Variants in BAZ1A observed in about 807,000 individuals in gnomAD.
The protein encoded by BAZ1A is bromodomain adjacent to zinc finger domain protein 1A.
In BAZ1A, 50 loss-of-function variants were observed where a neutral mutation model predicts 185.2. The observed-to-expected ratio is 0.27, with a 90% CI of 0.22 to 0.34. The LOEUF (loss-of-function observed/expected upper bound fraction) is 0.34. BAZ1A is among the 10% of genes least tolerant of loss of function. BAZ1A has a pLI of 1.00. For synonymous variants in BAZ1A, 571 were observed against 615.6 expected, an observed-to-expected ratio of 0.93 and a Z score of 1.07; for missense variants, 1,356 against 1,839.9, an observed-to-expected ratio of 0.74 and a Z score of 4.81.
Position 34,786,603 on chromosome 14 carries a change from G to GTTTTTTTTTTTTTTTTTTTTTTTTTTTT in BAZ1A, c.1511-383_1511-382insAAAAAAAAAAAAAAAAAAAAAAAAAAAA, listed in dbSNP as rs542523340. 1.9e-5 allele frequency: 2 copies of GTTTTTTTTTTTTTTTTTTTTTTTTTTTT among 106,854 alleles called. 1 individual carries two copies. Among genetic ancestry groups the GTTTTTTTTTTTTTTTTTTTTTTTTTTTT allele is most frequent in the Non-Finnish European group, 3.5e-5 (2 of 57,166 alleles). 6.6% of individuals were successfully genotyped at this position (106,854 alleles called of 1,614,324 possible). On this transcript the variant is annotated intron_variant, in intron 12 of 26. Transcript: ENST00000360310. ...TTAAAGATACTCCAATCTTTTATGTGTGTTTTTTTTTTTTTTTTTTTTGAG... is the reference window on the plus strand; with the variant it reads ...TTAAAGATACTCCAATCTTTTATGTGTTTTTTTTTTTTTTTTTTTTTTTTTTTTTGTTTTTTTTTTTTTTTTTTTTGAG...
At chr14:34,850,094 G>A (rs186127847) in intron 3 of BAZ1A, among the ~76,000 whole-genome samples, 1 of 152,146 alleles carries the variant, frequency 6.6e-6, no homozygotes, top group East Asian at 1.9e-4. Flanking sequence ...AAAAAAAAAG[G>A]TCAGGCCGGG....
chr14:34,761,045 G>A (rs1458020716), intron 24 of BAZ1A, among the ~76,000 whole-genome samples: 4 of 151,862 alleles, frequency 2.6e-5, no homozygotes, highest in Non-Finnish European at 4.4e-5. Context: ...TTGGGATGCC[G>A]AGGTGGGTGG....
rs776146186 is a variant in BAZ1A, at chr14:34,774,348, T to C, written c.2976A>G (p.Gln992=). 8 of 1,611,978 alleles carry C rather than the reference T, an allele frequency of 5.0e-6. No individual in the cohort carries two copies. Among genetic ancestry groups the C allele is most frequent in the African/African-American group, 4.0e-5 (3 of 74,844 alleles). Residue 992 remains glutamine (Q), a synonymous_variant, in exon 19 of 27, where the codon CAA becomes CAG. Transcript: ENST00000360310. ...FLLDIEDRIY[Q]GTLGAIKVTD... The stretch of plus-strand genomic sequence containing the variant: ...AAACCTTGATGGCTCCTAATGTTCC[T>C]TGGTAGATTCTATCTTCAATATCTA...
chr14:34,859,868 G>A lies in BAZ1A; in HGVS notation c.392+2176C>T, dbSNP rs75159703. On this transcript the variant is annotated intron_variant, in intron 3 of 26. Coordinates refer to ENST00000360310, the MANE Select transcript of BAZ1A (RefSeq NM_013448.3). ...CGTGCTGTCTCCAGTCTTTGGAGGA[G>A]TTGAGGAGTTGGGGAGTCTCTAGTC... Among the ~76,000 whole-genome samples, 1,225 of 152,258 alleles carry A rather than the reference G, an allele frequency of 8.0e-3. 14 individuals are homozygous for A. The highest frequency in any genetic ancestry group is 0.028 in the African/African-American group (1,166 of 41,550).
chr14:34,791,053 C>T (rs1157638239), intron 12 of BAZ1A, among the ~76,000 whole-genome samples: 4 of 151,878 alleles, frequency 2.6e-5, no homozygotes, highest in African/African-American at 4.8e-5. Context: ...ACCCGGGAGG[C>T]GGAGGTTACA....
intron 6 of BAZ1A, among the ~76,000 whole-genome samples, chr14:34,803,809 T>C (rs1014555913): frequency 3.3e-5 from 5 of 152,168 alleles, no homozygotes; most frequent in African/African-American, 1.2e-4. Flanking sequence ...AAATTTCCCA[T>C]TACATCCCTC....
At chr14:34,773,949 C>T (rs1157023972) in intron 19 of BAZ1A, among the ~76,000 whole-genome samples, 1 of 152,108 alleles carries the variant, frequency 6.6e-6, no homozygotes, top group South Asian at 2.1e-4. Flanking sequence ...AAATCATAAA[C>T]AGTTCTAAGA....
intron 24 of BAZ1A, 139 bp downstream of exon 24, chr14:34,761,618 G>T: frequency 1.4e-6 from 1 of 692,342 alleles, no homozygotes; most frequent in Non-Finnish European, 2.4e-6. Flanking sequence ...TGACTATTAT[G>T]CTTCAGGTCA....
chr14:34,808,136 A>G (rs2041875879), intron 5 of BAZ1A, among the ~76,000 whole-genome samples: 1 of 152,024 alleles, frequency 6.6e-6, no homozygotes, highest in Non-Finnish European at 1.5e-5. Context: ...TATGCTATAG[A>G]GAGTAAATCA....
rs1881522645 is a variant in BAZ1A, at chr14:34,801,178, T to C, written c.877A>G (p.Asn293Asp). The C allele has an allele frequency of 6.2e-7, 1 of 1,605,756 alleles. No individual in the cohort carries two copies. Among genetic ancestry groups the C allele is most frequent in the Non-Finnish European group, 8.5e-7 (1 of 1,177,360 alleles). ...IHISQEDNVA[N>D]KQTLASYRSK... The stretch of plus-strand genomic sequence containing the variant: ...CTATAACTTGCAAGAGTCTGTTTAT[T>C]AGCAACATTGTCCTCCTAAAAAACA... Residue 293 changes from asparagine to aspartate, a missense_variant, in exon 8 of 27, where the codon AAT becomes GAT. Physicochemically the swap from Asn to Asp is conservative, Grantham distance 23. Around this residue, in one of 7 missense-constraint regions of BAZ1A, gnomAD observed 332 missense variants for 395.3 expected, o/e 0.84. Coordinates refer to ENST00000360310, the MANE Select transcript of BAZ1A (RefSeq NM_013448.3).
chr14:34,825,646 A>T (rs907774510), intron 4 of BAZ1A, among the ~76,000 whole-genome samples: 3 of 151,690 alleles, frequency 2.0e-5, no homozygotes, highest in African/African-American at 7.3e-5. Flanking sequence ...GATGAAAGAA[A>T]AGTTATTTCA....
chr14:34,756,366 C>T (rs1404453341), intron 25 of BAZ1A, among the ~76,000 whole-genome samples: 1 of 151,620 alleles, frequency 6.6e-6, no homozygotes, highest in Non-Finnish European at 1.5e-5. Context: ...CTGCCCACCT[C>T]GGCCTCCCAA....
rs34861206 is a variant in BAZ1A, at chr14:34,764,289, C to CTTTTT, written c.3776+413_3776+417dup. ...TATACGTTAGTTTCTTTTTTCTTTT[C>CTTTTT]TTTTTTTTTTTTTTTTTTTGAGATG... On this transcript the variant is annotated intron_variant, in intron 23 of 26. Coordinates refer to ENST00000360310, the MANE Select transcript of BAZ1A (RefSeq NM_013448.3). Among the ~76,000 whole-genome samples, 381 of 111,756 alleles carry CTTTTT rather than the reference C, an allele frequency of 3.4e-3. 1 individual carries two copies. Among genetic ancestry groups the CTTTTT allele is most frequent in the Non-Finnish European group, 4.6e-3 (263 of 56,910 alleles). The allele number at this position is 111,756 out of a possible 152,430, so 73.3% of individuals were successfully genotyped here. A position where few individuals can be genotyped will look rare whatever the true frequency, so the allele number is the denominator to read the frequency against.
At chr14:34,783,298 G>T in intron 15 of BAZ1A, 66 bp from the exon 16 acceptor site, 1 of 906,560 alleles carries the variant, frequency 1.1e-6, no homozygotes, top group Non-Finnish European at 1.7e-6. Flanking sequence ...TTAGCATCTT[G>T]TCTTTAATCA....
At chr14:34,807,395 T>C in intron 6 of BAZ1A, 56 bp downstream of exon 6, 1 of 1,297,430 alleles carries the variant, frequency 7.7e-7, no homozygotes, top group East Asian at 2.4e-5. Context: ...TATAACTTTA[T>C]AACACTACCC....
intron 3 of BAZ1A, among the ~76,000 whole-genome samples, chr14:34,832,191 T>TACACACACACACACACAC (rs57379319): frequency 2.0e-4 from 19 of 96,576 alleles, no homozygotes; most frequent in East Asian, 8.4e-4. Flanking sequence ...TATATACATA[T>TACACACACACACACACAC]ACACACACAC....
intron 2 of BAZ1A, among the ~76,000 whole-genome samples, chr14:34,868,098 G>C (rs1354874047): frequency 6.6e-6 from 1 of 152,154 alleles, no homozygotes; most frequent in Non-Finnish European, 1.5e-5. Context: ...CTTCACTAAA[G>C]GTGGGCATCC....
chr14:34,799,663 G>A (rs749756662), intron 9 of BAZ1A, among the ~76,000 whole-genome samples: 18 of 151,666 alleles, frequency 1.2e-4, no homozygotes, highest in African/African-American at 3.4e-4. Context: ...CCAGGCTGGC[G>A]TGCAGTGGCG....
At chr14:34,802,789 C>T in intron 7 of BAZ1A, 65 bp downstream of exon 7, 3 of 1,512,828 alleles carry the variant, frequency 2.0e-6, no homozygotes, top group Non-Finnish European at 2.7e-6. Context: ...GACAAACATA[C>T]TTCTTGATTC....
Sources: gnomAD v4.1 joint callset for allele counts (sites outside exome capture counted in the v4.1 genomes callset) on GRCh38, gnomAD v4.1.1 for gene constraint, gnomAD v4.1.1 regional missense constraint, MANE v1.5 for transcripts, NCBI Gene and HGNC (gene_info 2026-07-23, HGNC 2026-07-21) for gene names.